Variants in SNTG1 observed in about 807,000 individuals in gnomAD.
The protein encoded by SNTG1 is gamma-1-syntrophin.
SNTG1 carries 39 observed loss-of-function variants against 74.7 expected under a neutral mutation model. That is an observed-to-expected ratio of 0.52 (90% CI 0.40 to 0.68). SNTG1 has a LOEUF of 0.68. Among genes scored for constraint, SNTG1 ranks in the 30% least tolerant of loss-of-function variants. SNTG1 has a pLI of 0.00. For missense variants in SNTG1, 685 were observed against 609.5 expected (o/e 1.12, Z -1.30); for synonymous variants, 254 against 217.1 (o/e 1.17, Z -1.49).
intron 3 of SNTG1, 39 bp downstream of exon 3, chr8:50,394,304 A>G (rs1245457670): frequency 2.5e-6 from 4 of 1,601,978 alleles, no homozygotes; most frequent in South Asian, 2.2e-5. Flanking sequence ...CAGGGAAAAC[A>G]GAATATAAGC....
intron 1 of SNTG1, among the ~76,000 whole-genome samples, chr8:50,169,804 A>G (rs1374224053): frequency 6.6e-6 from 1 of 152,134 alleles, no homozygotes; most frequent in African/African-American, 2.4e-5. Context: ...AGCTGAGTGT[A>G]GTGGCTTGCA....
chr8:50,287,652 C>A (rs1478685434), intron 2 of SNTG1, among the ~76,000 whole-genome samples: 2 of 152,160 alleles, frequency 1.3e-5, no homozygotes, highest in Non-Finnish European at 2.9e-5. Flanking sequence ...TATACCCAAC[C>A]TGTCTTCCTG....
chr8:49,935,169 C>T (rs1807943192), intron 1 of SNTG1, among the ~76,000 whole-genome samples: 1 of 148,938 alleles, frequency 6.7e-6, no homozygotes, highest in Admixed American at 6.8e-5. Context: ...AAATTTTAAT[C>T]TTATCTGTGG....
intron 18 of SNTG1, among the ~76,000 whole-genome samples, chr8:50,789,524 T>C (rs2095685348): frequency 6.6e-6 from 1 of 152,002 alleles, no homozygotes; most frequent in Non-Finnish European, 1.5e-5. Flanking sequence ...ATATATGCAG[T>C]TCTCCACTTA....
intron 11 of SNTG1, among the ~76,000 whole-genome samples, chr8:50,550,451 A>G (rs186336118): frequency 3.9e-5 from 6 of 152,334 alleles, no homozygotes; most frequent in African/African-American, 1.4e-4. Context: ...TGCTTATGTT[A>G]GGTTGAAAAT....
chr8:50,691,458 T>C (rs1375426776), intron 15 of SNTG1, among the ~76,000 whole-genome samples: 2 of 152,218 alleles, frequency 1.3e-5, no homozygotes, highest in African/African-American at 2.4e-5. Flanking sequence ...TGACAAAGTC[T>C]CTCAGCATTT....
chr8:50,235,833 A>G (rs149261387), intron 2 of SNTG1, among the ~76,000 whole-genome samples: 39 of 152,310 alleles, frequency 2.6e-4, no homozygotes, highest in African/African-American at 9.1e-4. Context: ...ATTTTCCTCC[A>G]AGTAAAATAT....
chr8:50,411,089 T>C (rs1056260702), intron 4 of SNTG1, among the ~76,000 whole-genome samples: 1 of 152,194 alleles, frequency 6.6e-6, no homozygotes, highest in African/African-American at 2.4e-5. Context: ...AAGTATTTTA[T>C]GTTTGCGCTT....
chr8:50,697,620 G>C (rs180755987), intron 15 of SNTG1, among the ~76,000 whole-genome samples: 35 of 152,168 alleles, frequency 2.3e-4, no homozygotes, highest in Middle Eastern at 3.4e-3. Context: ...CATTTGTTGA[G>C]GGTTTTGAGC....
intron 16 of SNTG1, chr8:50,708,263 T>A (rs935246683): frequency 1.3e-5 from 2 of 154,232 alleles, no homozygotes; most frequent in Non-Finnish European, 2.9e-5. Context: ...GAAAAGTAAT[T>A]ACTTGTTGAT....
At chr8:50,639,864 C>T (rs1052106921) in intron 13 of SNTG1, among the ~76,000 whole-genome samples, 31 of 151,812 alleles carry the variant, frequency 2.0e-4, no homozygotes, top group African/African-American at 6.8e-4. Flanking sequence ...CAAAAATGTC[C>T]CCATCTGTAA....
At chr8:50,442,388 C>T (rs1048632201) in intron 5 of SNTG1, among the ~76,000 whole-genome samples, 6 of 152,034 alleles carry the variant, frequency 3.9e-5, no homozygotes, top group African/African-American at 1.4e-4. Flanking sequence ...TACTTTAGAG[C>T]CTGGAAGGAG....
intron 18 of SNTG1, among the ~76,000 whole-genome samples, chr8:50,752,972 T>G (rs1165087672): frequency 1.3e-5 from 2 of 152,032 alleles, no homozygotes; most frequent in African/African-American, 4.8e-5. Context: ...ACTCATCTTT[T>G]CTGCCTCTTC....
intron 11 of SNTG1, among the ~76,000 whole-genome samples, chr8:50,551,616 A>C (rs1025584540): frequency 1.1e-4 from 17 of 152,220 alleles, no homozygotes; most frequent in African/African-American, 3.6e-4. Context: ...CATACTTGCC[A>C]TTATACATCA....
intron 11 of SNTG1, among the ~76,000 whole-genome samples, chr8:50,537,370 G>A (rs2094315409): frequency 6.6e-6 from 1 of 152,056 alleles, no homozygotes; most frequent in South Asian, 2.1e-4. Flanking sequence ...TGGGATTATA[G>A]GCATAAACCA....
chr8:50,374,998 A>T (rs1382706835), intron 2 of SNTG1, among the ~76,000 whole-genome samples: 1 of 152,162 alleles, frequency 6.6e-6, no homozygotes, highest in East Asian at 1.9e-4. Flanking sequence ...GATAAGGAAG[A>T]ACTTGCTATC....
At chr8:50,265,738 TTA>T (rs2087430633) in intron 2 of SNTG1, among the ~76,000 whole-genome samples, 1 of 151,942 alleles carries the variant, frequency 6.6e-6, no homozygotes, top group African/African-American at 2.4e-5. Context: ...CTACAAAAAT[TTA>T]GAGTTAATTA....
chr8:50,277,939 C>T (rs1320494091), intron 2 of SNTG1, among the ~76,000 whole-genome samples: 1 of 152,150 alleles, frequency 6.6e-6, no homozygotes, highest in African/African-American at 2.4e-5. Context: ...TTTGGGAAGC[C>T]TAGGCAAGTG....
intron 8 of SNTG1, among the ~76,000 whole-genome samples, chr8:50,486,865 T>C (rs1015289099): frequency 1.3e-5 from 2 of 152,296 alleles, no homozygotes; most frequent in East Asian, 1.9e-4. Context: ...CATGAAGCGT[T>C]GTTGAATTTT....
Sources: gnomAD v4.1 joint callset for allele counts (sites outside exome capture counted in the v4.1 genomes callset) on GRCh38, gnomAD v4.1.1 for gene constraint, MANE v1.5 for transcripts, NCBI Gene and HGNC (gene_info 2026-07-23, HGNC 2026-07-21) for gene names.